Variants in AGRP observed in about 807,000 individuals in gnomAD.
AGRP encodes the protein agouti related neuropeptide.
A neutral mutation model predicts 13.6 loss-of-function variants in AGRP; 8 were observed. The ratio of observed to expected loss-of-function variants is 0.59; its 90% CI spans 0.35 to 1.06. The LOEUF is 1.06. AGRP is among the 50% of genes least tolerant of loss of function. The pLI, the probability that AGRP is intolerant of heterozygous loss-of-function variation, is 0.02. For synonymous variants in AGRP, 63 were observed against 72.4 expected (o/e 0.87, Z 0.66); for missense variants, 155 against 174.8 (o/e 0.89, Z 0.64).
chr16:67,483,151 A>T (rs777370494), intron 2 of AGRP, 41 bp from the exon 3 acceptor site: 4 of 1,612,364 alleles, frequency 2.5e-6, no homozygotes, highest in Non-Finnish European at 3.4e-6. Flanking sequence ...CCATGCACAA[A>T]GCACCCACCT....
At chr16:67,483,153 C>T in intron 2 of AGRP, 43 bp from the exon 3 acceptor site, 1 of 1,612,282 alleles carries the variant, frequency 6.2e-7, no homozygotes, top group Non-Finnish European at 8.5e-7. Context: ...ATGCACAAAG[C>T]ACCCACCTCC....
intron 3 of AGRP, 22 bp downstream of exon 3, chr16:67,483,003 A>G: frequency 6.2e-7 from 1 of 1,611,614 alleles, no homozygotes; most frequent in East Asian, 2.2e-5. Context: ...CCACCACCTT[A>G]CCCTTTTCCC....
chr16:67,482,681 G>A lies in AGRP; in HGVS notation c.354C>T (p.Tyr118=), dbSNP rs2142345864. 1 of 1,614,226 alleles carries A rather than the reference G, an allele frequency of 6.2e-7. No individual in the cohort carries two copies. The highest frequency in any genetic ancestry group is 2.2e-5 in the East Asian group (1 of 44,886). Residue 118 remains tyrosine (Y), a synonymous_variant, in exon 4 of 4, where the codon TAC becomes TAT. Coordinates refer to ENST00000290953, the MANE Select transcript of AGRP (RefSeq NM_001138.2). ...TCATGGCAGTACCCAGCTTGCGGCA[G>A]TAGCAGAAGGCATTGAAGAAGCGGC... ...CYCRFFNAFC[Y]CRKLGTAMNP...
In AGRP at chr16:67,482,791, G is replaced by A. The variant is rs987185746; in HGVS notation, c.244C>T (p.Arg82Cys). The A allele has an allele frequency of 3.1e-6, 5 of 1,614,136 alleles. No homozygotes were observed. Among genetic ancestry groups the A allele is most frequent in the South Asian group, 1.1e-5 (1 of 91,086 alleles). Residue 82 changes from arginine to cysteine, a missense_variant, in exon 4 of 4, where the codon CGC becomes TGC. Coordinates refer to ENST00000290953, the MANE Select transcript of AGRP (RefSeq NM_001138.2). ...EVLDLQDREP[R>C]SSRRCVRLHE... is the part of the protein sequence containing the mutation. Reference sequence around the variant, plus strand: ...AGCCTTACGCAGCGACGTGAGGAGCGGGGCTCGCGGTCCTGCAGGTCTAGT... The same window carrying A: ...AGCCTTACGCAGCGACGTGAGGAGCAGGGCTCGCGGTCCTGCAGGTCTAGT...
chr16:67,483,385 G>A lies in AGRP; in HGVS notation c.14C>T (p.Ala5Val), dbSNP rs745643706. 1.7e-5 allele frequency: 26 copies of A among 1,516,470 alleles called. No individual in the cohort carries two copies. The highest frequency in any genetic ancestry group is 4.2e-5 in the African/African-American group (3 of 71,782). 93.9% of individuals were successfully genotyped at this position (1,516,470 alleles called of 1,614,324 possible). The change falls in exon 2 of 4, where the codon GCG becomes GTG. Residue 5 changes from alanine to valine, a missense_variant. Physicochemically the swap from Ala to Val is moderately conservative, Grantham distance 64. Transcript: ENST00000290953. MLTA[A>V]VLSCALLLAL... ...CAGCAGCAGGGCACAGCTCAGCACC[G>A]CTGCGGTCAGCATGGCCTGGCTCAG... is the stretch of plus-strand genomic sequence containing the variant.
At position 67,482,759 on chromosome 16, in the gene AGRP, C is replaced by T. The variant is rs569103942; in HGVS notation, c.276G>A (p.Glu92=). The T allele has an allele frequency of 1.9e-6, 3 of 1,614,208 alleles. No individual in the cohort carries two copies. The highest frequency in any genetic ancestry group is 1.7e-5 in the Admixed American group (1 of 60,018). ...RSSRRCVRLH[E]SCLGQQVPCC... ...AAGGCACCTGCTGTCCCAGGCAGGACTCATGCAGCCTTACGCAGCGACGTG... is the reference window on the plus strand; with the variant it reads ...AAGGCACCTGCTGTCCCAGGCAGGATTCATGCAGCCTTACGCAGCGACGTG... The change falls in exon 4 of 4, where the codon GAG becomes GAA. Residue 92 remains glutamate (E), a synonymous_variant. Coordinates refer to ENST00000290953, the MANE Select transcript of AGRP (RefSeq NM_001138.2).
rs773319622 is a variant in AGRP, at chr16:67,482,691, G to A, written c.344C>T (p.Ala115Val). Residue 115 changes from alanine to valine, a missense_variant, in exon 4 of 4, where the codon GCC becomes GTC. Transcript: ENST00000290953. ...ACCCAGCTTGCGGCAGTAGCAGAAG[G>A]CATTGAAGAAGCGGCAGTAGCACGT... ...CATCYCRFFN[A>V]FCYCRKLGTA... The A allele has an allele frequency of 6.2e-7, 1 of 1,614,200 alleles. No individual in the cohort carries two copies. Among genetic ancestry groups the A allele is most frequent in the Non-Finnish European group, 8.5e-7 (1 of 1,180,030 alleles).
chr16:67,482,942 G>T (rs1295853028), intron 3 of AGRP, 83 bp downstream of exon 3: 1 of 1,565,922 alleles, frequency 6.4e-7, no homozygotes, highest in East Asian at 2.2e-5. Context: ...CGCTGGTGAG[G>T]GAGTTTGGAG....
Position 67,483,383 on chromosome 16 carries a change from C to G in AGRP, c.16G>C (p.Val6Leu). Residue 6 changes from valine to leucine, a missense_variant, in exon 2 of 4, where the codon GTG becomes CTG. By Grantham distance (32) the Val-to-Leu change is conservative. Transcript: ENST00000290953. ...GCCAGCAGCAGGGCACAGCTCAGCA[C>G]CGCTGCGGTCAGCATGGCCTGGCTC... MLTAA[V>L]LSCALLLALP... 1 of 1,518,348 alleles carries G rather than the reference C, an allele frequency of 6.6e-7. No homozygotes were observed. Among genetic ancestry groups the G allele is most frequent in the Non-Finnish European group, 8.8e-7 (1 of 1,133,714 alleles). The allele number at this position is 1,518,348 out of a possible 1,614,324, so 94.1% of individuals were successfully genotyped here.
rs748983615 is a variant in AGRP at position 67,482,737 on chromosome 16, G to A, written c.298C>T (p.Pro100Ser). Residue 100 changes from proline (P) to serine (S), a missense_variant, in exon 4 of 4, where the codon CCT becomes TCT. Pro to Ser is a moderately conservative substitution (Grantham distance 74, BLOSUM62 -1). Coordinates refer to ENST00000290953, the MANE Select transcript of AGRP (RefSeq NM_001138.2). ...CACGTGGCACATGGGTCACAGCAAGGCACCTGCTGTCCCAGGCAGGACTCA... is the reference window on the plus strand; with the variant it reads ...CACGTGGCACATGGGTCACAGCAAGACACCTGCTGTCCCAGGCAGGACTCA... ...LHESCLGQQV[P>S]CCDPCATCYC... 4 of 1,614,064 alleles carry A rather than the reference G, an allele frequency of 2.5e-6. No individual in the cohort carries two copies. Among genetic ancestry groups the A allele is most frequent in the Middle Eastern group, 1.6e-4 (1 of 6,084 alleles).
Position 67,482,683 on chromosome 16 carries a change from A to G in AGRP, c.352T>C (p.Tyr118His), listed in dbSNP as rs762405425. Reference protein sequence around the residue: ...CYCRFFNAFCYCRKLGTAMNP... With the variant: ...CYCRFFNAFCHCRKLGTAMNP... ...ATGGCAGTACCCAGCTTGCGGCAGT[A>G]GCAGAAGGCATTGAAGAAGCGGCAG... Residue 118 changes from tyrosine (Y) to histidine (H), a missense_variant, in exon 4 of 4, where the codon TAC (tyrosine) becomes CAC (histidine). Transcript: ENST00000290953. 2.7e-5 allele frequency: 44 copies of G among 1,614,084 alleles called. No individual in the cohort carries two copies. The highest frequency in any genetic ancestry group is 3.5e-5 in the Non-Finnish European group (41 of 1,180,038).
At chr16:67,482,846 C>T (rs1261827000) in intron 3 of AGRP, 28 bp from the exon 4 acceptor site, 1 of 1,612,322 alleles carries the variant, frequency 6.2e-7, no homozygotes, top group African/African-American at 1.3e-5. Context: ...CAGCACAGGC[C>T]TCTAAAGACA....
chr16:67,482,700 A>G lies in AGRP; in HGVS notation c.335T>C (p.Phe112Ser). Residue 112 changes from phenylalanine to serine, a missense_variant, in exon 4 of 4, where the codon TTC (phenylalanine) becomes TCC (serine). Physicochemically the swap from Phe to Ser is radical, Grantham distance 155 (BLOSUM62 -2). Transcript: ENST00000290953. ...GCGGCAGTAGCAGAAGGCATTGAAG[A>G]AGCGGCAGTAGCACGTGGCACATGG... ...CDPCATCYCR[F>S]FNAFCYCRKL... The G allele has an allele frequency of 6.2e-7, 1 of 1,614,208 alleles. No homozygotes were observed. The highest frequency in any genetic ancestry group is 8.5e-7 in the Non-Finnish European group (1 of 1,180,022).
intron 1 of AGRP, 43 bp from the exon 2 acceptor site, chr16:67,483,444 T>C (rs1352770290): frequency 2.0e-6 from 3 of 1,468,148 alleles, no homozygotes; most frequent in Admixed American, 2.4e-5. Flanking sequence ...CTCCTTATCC[T>C]TGGAGTCCCC....
chr16:67,482,692 C>T lies in AGRP; in HGVS notation c.343G>A (p.Ala115Thr), dbSNP rs1321944438. ...CCCAGCTTGCGGCAGTAGCAGAAGGCATTGAAGAAGCGGCAGTAGCACGTG... is the reference window on the plus strand; with the variant it reads ...CCCAGCTTGCGGCAGTAGCAGAAGGTATTGAAGAAGCGGCAGTAGCACGTG... ...CATCYCRFFN[A>T]FCYCRKLGTA... The change falls in exon 4 of 4, where the codon GCC (alanine) becomes ACC (threonine). Residue 115 changes from alanine (A) to threonine (T), a missense_variant. By Grantham distance (58) the Ala-to-Thr change is moderately conservative. Coordinates refer to ENST00000290953, the MANE Select transcript of AGRP (RefSeq NM_001138.2). The T allele has an allele frequency of 1.2e-6, 2 of 1,614,186 alleles. No individual in the cohort carries two copies. Among genetic ancestry groups the T allele is most frequent in the Non-Finnish European group, 1.7e-6 (2 of 1,180,020 alleles).
rs1345091300 is a variant in AGRP, at chr16:67,483,412, AG to A, written c.-3-12del. The A allele has an allele frequency of 2.7e-6, 4 of 1,503,628 alleles. No homozygotes were observed. Among genetic ancestry groups the A allele is most frequent in the Non-Finnish European group, 3.6e-6 (4 of 1,126,450 alleles). 93.1% of individuals were successfully genotyped at this position (1,503,628 alleles called of 1,614,324 possible). A position where few individuals can be genotyped will look rare whatever the true frequency, so the allele number is the denominator to read the frequency against. ...TGCGGTCAGCATGGCCTGGCTCAGC[AG>A]GAAGATGTACCACTTAGTCCCTCCT... On this transcript the variant is annotated splice_polypyrimidine_tract_variant and intron_variant, in intron 1 of 3. Transcript: ENST00000290953.
At chr16:67,482,915 G>T (rs1342840507) in intron 3 of AGRP, 97 bp from the exon 4 acceptor site, 6 of 1,565,696 alleles carry the variant, frequency 3.8e-6, no homozygotes, top group South Asian at 2.2e-5. Context: ...ATGGGAAGGG[G>T]TGGTCGGTAG....
intron 3 of AGRP, 86 bp from the exon 4 acceptor site, chr16:67,482,904 C>A: frequency 6.3e-7 from 1 of 1,579,204 alleles, no homozygotes; most frequent in Non-Finnish European, 8.7e-7. Context: ...GGCAGTGGAG[C>A]ATGGGAAGGG....
Position 67,483,058 on chromosome 16 carries a change from C to T in AGRP, c.183G>A (p.Glu61=). ...AGGCCTGAGCCTCCTGCAACAGATC[C>T]TCTTCTGCCTGTTCTGCAGTTGTCT... ...LKKTTAEQAE[E]DLLQEAQALA... Residue 61 remains glutamate (E), a synonymous_variant, in exon 3 of 4, where the codon GAG becomes GAA. Transcript: ENST00000290953. 5.0e-6 allele frequency: 8 copies of T among 1,614,216 alleles called. No homozygotes were observed. The highest frequency in any genetic ancestry group is 6.8e-6 in the Non-Finnish European group (8 of 1,180,016).
Sources: allele counts gnomAD v4.1 joint callset, GRCh38; gene constraint gnomAD v4.1.1; transcripts MANE v1.5; gene names NCBI Gene and HGNC (gene_info 2026-07-23, HGNC 2026-07-21).